GRID2: variants seen among roughly 807,000 people sequenced by gnomAD.
GRID2 encodes glutamate ionotropic receptor delta type subunit 2.
In GRID2, 33 loss-of-function variants were observed where a neutral mutation model predicts 114.8. The ratio of observed to expected loss-of-function variants is 0.29; its 90% CI spans 0.22 to 0.38. The LOEUF is 0.38. GRID2 is among the 10% of genes least tolerant of loss of function. The pLI is 1.00. For missense variants in GRID2, 1,184 were observed against 1,257.7 expected, an observed-to-expected ratio of 0.94 and a Z score of 0.89; for synonymous variants, 505 against 449.9, an observed-to-expected ratio of 1.12 and a Z score of -1.55.
rs1724681877 is a variant in GRID2, at chr4:92,519,901, G to A, written c.89-70230G>A. Reference sequence around the variant, plus strand: ...TCTCTTACTCAGTCCTTTGGATAAGGTCCACCCATATTGGGGGGCGGAATT... The same window carrying A: ...TCTCTTACTCAGTCCTTTGGATAAGATCCACCCATATTGGGGGGCGGAATT... On this transcript the variant is annotated intron_variant, in intron 1 of 15. Transcript: ENST00000282020. Among the ~76,000 whole-genome samples the A allele has an allele frequency of 5.3e-5, 8 of 151,922 alleles. No homozygotes were observed. In the South Asian group the frequency reaches 1.7e-3, roughly 32 times the overall value.
intron 8 of GRID2, among the ~76,000 whole-genome samples, chr4:93,365,203 T>C (rs1762225822): frequency 6.6e-6 from 1 of 152,150 alleles, no homozygotes. Context: ...TATTCTGATT[T>C]GTTTAGGGTG....
At chr4:93,243,350 T>C (rs1019025107) in intron 8 of GRID2, among the ~76,000 whole-genome samples, 2 of 152,052 alleles carry the variant, frequency 1.3e-5, no homozygotes, top group African/African-American at 4.8e-5. Context: ...AAGATACTTA[T>C]GAAAGGAAAA....
At chr4:92,524,886 G>C (rs1724970935) in intron 1 of GRID2, among the ~76,000 whole-genome samples, 2 of 152,132 alleles carry the variant, frequency 1.3e-5, no homozygotes, top group African/African-American at 2.4e-5. Context: ...ACAGTGAATG[G>C]AAATTATACG....
chr4:92,833,423 G>T (rs1309009715), intron 2 of GRID2, among the ~76,000 whole-genome samples: 4 of 152,146 alleles, frequency 2.6e-5, no homozygotes, highest in Non-Finnish European at 5.9e-5. Flanking sequence ...CATAACAGTG[G>T]CAATAATGTT....
At chr4:92,585,823 T>A (rs1008044153) in intron 1 of GRID2, among the ~76,000 whole-genome samples, 4 of 151,954 alleles carry the variant, frequency 2.6e-5, no homozygotes, top group Non-Finnish European at 5.9e-5. Flanking sequence ...TTAGTATGAT[T>A]ATTAATTACC....
At chr4:92,414,554 G>T (rs752017035) in intron 1 of GRID2, among the ~76,000 whole-genome samples, 1 of 152,098 alleles carries the variant, frequency 6.6e-6, no homozygotes, top group Non-Finnish European at 1.5e-5. Flanking sequence ...AAAGCAAAAA[G>T]GAGTCATTTA....
At chr4:92,656,739 C>T (rs1267513235) in intron 2 of GRID2, among the ~76,000 whole-genome samples, 1 of 151,582 alleles carries the variant, frequency 6.6e-6, no homozygotes, top group East Asian at 1.9e-4. Context: ...CATGCTGAAT[C>T]CCTGAGAAAT....
chr4:93,683,587 A>T (rs972654520), intron 14 of GRID2, among the ~76,000 whole-genome samples: 2 of 152,080 alleles, frequency 1.3e-5, no homozygotes, highest in African/African-American at 4.8e-5. Context: ...TTGTTTAGCT[A>T]AACAATTGAC....
rs958257108 is a variant in GRID2 at position 92,472,176 on chromosome 4, G to A, written c.89-117955G>A. On this transcript the variant is annotated intron_variant, in intron 1 of 15. Transcript: ENST00000282020. ...TCTCGATCTCCTGACCTCGTGATCC[G>A]CCCGCCTCGGCCTCCCAAAGTGCTG... is the stretch of plus-strand genomic sequence containing the variant. Among the ~76,000 whole-genome samples, 5 of 60,962 alleles carry A rather than the reference G, an allele frequency of 8.2e-5. 1 individual carries two copies. The highest frequency in any genetic ancestry group is 1.9e-4 in the African/African-American group (2 of 10,270). 40.0% of individuals were successfully genotyped at this position (60,962 alleles called of 152,430 possible).
chr4:92,611,078 A>G (rs192622334), intron 2 of GRID2, among the ~76,000 whole-genome samples: 8 of 134,942 alleles, frequency 5.9e-5, no homozygotes, highest in Admixed American at 2.2e-4. Context: ...GTATATATAT[A>G]TGTGTGTATA....
intron 14 of GRID2, among the ~76,000 whole-genome samples, chr4:93,690,632 T>G (rs183596452): frequency 1.3e-5 from 2 of 151,912 alleles, no homozygotes; most frequent in African/African-American, 4.8e-5. Flanking sequence ...CATCACAAAT[T>G]TAAATGAGCT....
At chr4:92,306,798 CTG>C (rs1341337150) in intron 1 of GRID2, among the ~76,000 whole-genome samples, 3 of 152,114 alleles carry the variant, frequency 2.0e-5, no homozygotes, top group South Asian at 2.1e-4. Flanking sequence ...TAAAAATTAA[CTG>C]TGTACAAATT....
At chr4:92,598,828 T>A (rs2149217452) in intron 2 of GRID2, among the ~76,000 whole-genome samples, 1 of 152,258 alleles carries the variant, frequency 6.6e-6, no homozygotes, top group East Asian at 1.9e-4. Flanking sequence ...CCATTGCATG[T>A]GTCCCTCAGT....
chr4:93,462,989 A>T (rs1288165125), intron 11 of GRID2, among the ~76,000 whole-genome samples: 1 of 152,170 alleles, frequency 6.6e-6, no homozygotes, highest in East Asian at 1.9e-4. Flanking sequence ...GTGTTCTTAC[A>T]GGTATTAAAT....
At chr4:92,611,176 G>T (rs923366006) in intron 2 of GRID2, among the ~76,000 whole-genome samples, 16 of 149,612 alleles carry the variant, frequency 1.1e-4, no homozygotes, top group Non-Finnish European at 1.5e-4. Context: ...GTTTTAGCCT[G>T]CTTAGGCTGC....
chr4:92,497,231 AT>A (rs1723433646), intron 1 of GRID2, among the ~76,000 whole-genome samples: 1 of 151,830 alleles, frequency 6.6e-6, no homozygotes, highest in African/African-American at 2.4e-5. Flanking sequence ...GGATTTGTGA[AT>A]TTTTTATGGA....
intron 2 of GRID2, among the ~76,000 whole-genome samples, chr4:92,876,283 T>TTTTATTTA (rs34453618): frequency 1.9e-3 from 278 of 148,562 alleles, no homozygotes; most frequent in Admixed American, 3.3e-3. Flanking sequence ...TTTTTTATTA[T>TTTTATTTA]TTTATTTATT....
chr4:93,624,057 A>G (rs371537825), intron 13 of GRID2, among the ~76,000 whole-genome samples: 4 of 152,278 alleles, frequency 2.6e-5, no homozygotes, highest in Admixed American at 2.0e-4. Context: ...TATTCTTCAT[A>G]TAGCTCCTAC....
At chr4:93,307,782 C>T (rs572313727) in intron 8 of GRID2, among the ~76,000 whole-genome samples, 1 of 152,198 alleles carries the variant, frequency 6.6e-6, no homozygotes, top group African/African-American at 2.4e-5. Flanking sequence ...TTTCTCTATA[C>T]TCTTATTTCC....
Sources: allele counts gnomAD v4.1 joint callset (sites outside exome capture counted in the v4.1 genomes callset), GRCh38; gene constraint gnomAD v4.1.1; transcripts MANE v1.5; gene names NCBI Gene and HGNC (gene_info 2026-07-23, HGNC 2026-07-21).